Variants in PRR14L observed in about 807,000 individuals in gnomAD.
PRR14L encodes the protein protein PRR14L.
In PRR14L, 80 loss-of-function variants were observed where a neutral mutation model predicts 155.0. The ratio of observed to expected loss-of-function variants is 0.52; its 90% CI spans 0.43 to 0.62. The LOEUF (loss-of-function observed/expected upper bound fraction) is 0.62. Among genes scored for constraint, PRR14L ranks in the 20% least tolerant of loss-of-function variants. PRR14L has a pLI of 0.00. For missense variants in PRR14L, 2,469 were observed against 2,548.0 expected, an observed-to-expected ratio of 0.97 and a Z score of 0.67; for synonymous variants, 883 against 916.0, an observed-to-expected ratio of 0.96 and a Z score of 0.65.
Position 31,715,540 on chromosome 22 carries a change from C to T in PRR14L, c.2299G>A (p.Gly767Ser). The change falls in exon 4 of 9, where the codon GGC (glycine) becomes AGC (serine). Residue 767 changes from glycine to serine, a missense_variant. Physicochemically the swap from Gly to Ser is moderately conservative, Grantham distance 56. Around this residue, in one of 2 missense-constraint regions of PRR14L, gnomAD observed 2,363 missense variants for 2,371.6 expected, o/e 1.00. Coordinates refer to ENST00000327423, the MANE Select transcript of PRR14L (RefSeq NM_173566.3). ...RLRSNKREAA[G>S]FPQVVSVIEC... ...ATGACAGAGACCACTTGAGGAAAGC[C>T]AGCTGCTTCTCTCTTATTTGAGCGC... 6.4e-7 allele frequency: 1 copy of T among 1,552,116 alleles called. No individual in the cohort carries two copies. Among genetic ancestry groups the T allele is most frequent in the South Asian group, 1.2e-5 (1 of 84,066 alleles).
chr22:31,694,439 T>A (rs527269745), intron 7 of PRR14L, among the ~76,000 whole-genome samples: 1 of 152,154 alleles, frequency 6.6e-6, no homozygotes, highest in African/African-American at 2.4e-5. Context: ...CTGACCAACA[T>A]GGTGAAACCC....
chr22:31,731,569 A>T (rs1393595379), intron 2 of PRR14L, among the ~76,000 whole-genome samples: 3 of 75,778 alleles, frequency 4.0e-5, no homozygotes, highest in African/African-American at 8.0e-5. Context: ...CTGTCTCAAA[A>T]AAAAAAAAAA....
At chr22:31,741,302 A>AAATACC (rs1450824853) in intron 1 of PRR14L, among the ~76,000 whole-genome samples, 49 of 151,258 alleles carry the variant, frequency 3.2e-4, no homozygotes, top group Admixed American at 8.6e-4. Context: ...TCTCCACTAA[A>AAATACC]AATACCAAAA....
At chr22:31,690,616 C>T (rs2074506198) in intron 7 of PRR14L, among the ~76,000 whole-genome samples, 1 of 152,012 alleles carries the variant, frequency 6.6e-6, no homozygotes, top group South Asian at 2.1e-4. Flanking sequence ...TCCCAAGTAG[C>T]TGGGACCTAT....
At chr22:31,749,015 A>G (rs1387082784) in intron 1 of PRR14L, among the ~76,000 whole-genome samples, 1 of 152,168 alleles carries the variant, frequency 6.6e-6, no homozygotes, top group Non-Finnish European at 1.5e-5. Flanking sequence ...ATGCATGGAA[A>G]AATATGCTTC....
intron 2 of PRR14L, among the ~76,000 whole-genome samples, chr22:31,736,052 CAA>C (rs36027153): frequency 3.4e-5 from 3 of 86,986 alleles, no homozygotes; most frequent in African/African-American, 4.8e-5. Context: ...GACTCCATCT[CAA>C]AAAAAAAAAA....
chr22:31,723,175 G>A (rs2074700140), intron 3 of PRR14L, among the ~76,000 whole-genome samples: 1 of 152,070 alleles, frequency 6.6e-6, no homozygotes, highest in South Asian at 2.1e-4. Context: ...TTTCAAGCTC[G>A]CCTATACCAA....
At chr22:31,730,482 G>C (rs910874857) in intron 2 of PRR14L, among the ~76,000 whole-genome samples, 2 of 152,120 alleles carry the variant, frequency 1.3e-5, no homozygotes, top group Admixed American at 1.3e-4. Flanking sequence ...AAGTGATGTT[G>C]GTTCTCCTCA....
At chr22:31,704,977 T>C (rs576798876) in intron 4 of PRR14L, among the ~76,000 whole-genome samples, 8 of 152,268 alleles carry the variant, frequency 5.3e-5, no homozygotes, top group African/African-American at 1.9e-4. Context: ...GAAAGAACAG[T>C]GGCTGGGCAA....
rs186142848 is a variant in PRR14L at position 31,725,857 on chromosome 22, C to A, written c.475-247G>T. Among the ~76,000 whole-genome samples the A allele has an allele frequency of 4.3e-4, 66 of 152,108 alleles. 2 individuals carry two copies. The East Asian group carries it at 0.011, about 26-fold the overall frequency. ...CTAATTTTTGTATTTCTACTACAGA[C>A]AGCGTTTCACCATGTTGGCCAGGCT... On this transcript the variant is annotated intron_variant, in intron 2 of 8. Coordinates refer to ENST00000327423, the MANE Select transcript of PRR14L (RefSeq NM_173566.3).
At chr22:31,690,344 C>G (rs1045708009) in intron 7 of PRR14L, among the ~76,000 whole-genome samples, 3 of 151,744 alleles carry the variant, frequency 2.0e-5, no homozygotes, top group African/African-American at 7.3e-5. Context: ...CCACCATGCC[C>G]AGCTGTAACT....
Position 31,685,668 on chromosome 22 carries a change from G to A in PRR14L, c.6315C>T (p.Val2105=). Residue 2105 remains valine (V), a synonymous_variant, in exon 9 of 9, where the codon GTC becomes GTT. Coordinates refer to ENST00000327423, the MANE Select transcript of PRR14L (RefSeq NM_173566.3). ...VPRKRRARGK[V]KVAGSFTRAQ... ...CCCTGGTAAAGCTGCCTGCCACCTTGACTTTGCCTCGAGCTCTCCTCTTTC... is the reference window on the plus strand; with the variant it reads ...CCCTGGTAAAGCTGCCTGCCACCTTAACTTTGCCTCGAGCTCTCCTCTTTC... 6.4e-7 allele frequency: 1 copy of A among 1,551,782 alleles called. No homozygotes were observed. The highest frequency in any genetic ancestry group is 8.7e-7 in the Non-Finnish European group (1 of 1,147,006).
chr22:31,723,203 T>C (rs991831685), intron 3 of PRR14L, among the ~76,000 whole-genome samples: 31 of 151,986 alleles, frequency 2.0e-4, no homozygotes, highest in Admixed American at 6.6e-5. Context: ...CCCTTATCCA[T>C]GGGTTTGGGG....
In PRR14L at chr22:31,715,798, C is replaced by T. The variant is rs1223462796; in HGVS notation, c.2041G>A (p.Ala681Thr). 4.5e-6 allele frequency: 7 copies of T among 1,551,616 alleles called. No homozygotes were observed. Among genetic ancestry groups the T allele is most frequent in the South Asian group, 1.2e-5 (1 of 84,050 alleles). ...LLHLNKEMPL[A>T]TGRDAHQSHH... ...CTCTGATGGGCATCTCTGCCTGTTG[C>T]TAAAGGCATCTCTTTGTTTAAATGC... Residue 681 changes from alanine (A) to threonine (T), a missense_variant, in exon 4 of 9, where the codon GCA (alanine) becomes ACA (threonine). Coordinates refer to ENST00000327423, the MANE Select transcript of PRR14L (RefSeq NM_173566.3).
chr22:31,744,719 T>C (rs992678308), intron 1 of PRR14L, among the ~76,000 whole-genome samples: 5 of 152,210 alleles, frequency 3.3e-5, no homozygotes, highest in Non-Finnish European at 7.3e-5. Flanking sequence ...CTCCCTGCAG[T>C]GTTTCTAGTA....
chr22:31,716,437 T>C lies in PRR14L; in HGVS notation c.1402A>G (p.Thr468Ala), dbSNP rs1156882553. ...TCATTTTTATTTAACATTACTTCTG[T>C]GGCTTCAGTAAAAGAATTGGGCATT... ...SLMPNSFTEA[T>A]EVMLNKNDLK... The change falls in exon 4 of 9, where the codon ACA (threonine) becomes GCA (alanine). Residue 468 changes from threonine (T) to alanine (A), a missense_variant. Physicochemically the swap from Thr to Ala is moderately conservative, Grantham distance 58. Transcript: ENST00000327423. 1.3e-6 allele frequency: 2 copies of C among 1,551,286 alleles called. No homozygotes were observed.
At position 31,703,652 on chromosome 22, in the gene PRR14L, G is replaced by A. The variant is rs772450310; in HGVS notation, c.5898C>T (p.Leu1966=). Residue 1966 remains leucine, a synonymous_variant, in exon 6 of 9, where the codon CTC becomes CTT. Transcript: ENST00000327423. ...CCTGGAACTCAGAGGCTGAAAGCAG[G>A]AGCTTGCTGACAGCTGATTCTGCTA... ...CLVAESAVSK[L]LLSASEFQVR... The A allele has an allele frequency of 2.5e-6, 4 of 1,612,882 alleles. No individual in the cohort carries two copies. The highest frequency in any genetic ancestry group is 1.1e-5 in the South Asian group (1 of 90,972).
intron 7 of PRR14L, among the ~76,000 whole-genome samples, chr22:31,695,673 C>T (rs1237241628): frequency 6.6e-6 from 1 of 152,140 alleles, no homozygotes; most frequent in African/African-American, 2.4e-5. Context: ...CTGCAGCAGC[C>T]TTATCTTGTC....
intron 2 of PRR14L, among the ~76,000 whole-genome samples, chr22:31,736,899 G>A (rs1432514536): frequency 2.6e-5 from 4 of 151,776 alleles, no homozygotes; most frequent in East Asian, 3.9e-4. Context: ...TTAGCCGGGC[G>A]TGGTGGCCAG....
Sources: gnomAD v4.1 joint callset for allele counts (sites outside exome capture counted in the v4.1 genomes callset) on GRCh38, gnomAD v4.1.1 for gene constraint, gnomAD v4.1.1 regional missense constraint, MANE v1.5 for transcripts, NCBI Gene and HGNC (gene_info 2026-07-23, HGNC 2026-07-21) for gene names.